TMPRSS15: variants seen among roughly 807,000 people sequenced by gnomAD.
TMPRSS15 encodes enteropeptidase.
Under a neutral mutation model 125.3 loss-of-function variants are expected in TMPRSS15, and 128 were observed. That is an observed-to-expected ratio of 1.02 (90% CI 0.89 to 1.18). The LOEUF (loss-of-function observed/expected upper bound fraction) is 1.18. TMPRSS15 is among the 50% of genes most tolerant of loss of function. The pLI, the probability that TMPRSS15 is intolerant of heterozygous loss-of-function variation, is 0.00. For synonymous variants in TMPRSS15, 446 were observed against 423.2 expected (o/e 1.05, Z -0.66); for missense variants, 1,283 against 1,212.7 (o/e 1.06, Z -0.86).
intron 3 of TMPRSS15, among the ~76,000 whole-genome samples, 165 bp from the exon 4 acceptor site, chr21:18,383,943 G>A (rs2075918415): frequency 6.6e-6 from 1 of 152,010 alleles, no homozygotes; most frequent in Non-Finnish European, 1.5e-5. Flanking sequence ...ATTTCATGAG[G>A]GAAAGAAAAA....
intron 10 of TMPRSS15, among the ~76,000 whole-genome samples, chr21:18,345,813 A>G (rs913864957): frequency 6.6e-6 from 1 of 150,660 alleles, no homozygotes; most frequent in Admixed American, 6.6e-5. Flanking sequence ...ATTCAGAAAA[A>G]TTTCTAATTA....
chr21:18,437,448 T>C (rs951483710), intron 1 of TMPRSS15, among the ~76,000 whole-genome samples: 2 of 152,154 alleles, frequency 1.3e-5, no homozygotes, highest in East Asian at 1.9e-4. Context: ...CAAAAAGCAA[T>C]GGTAACAAAA....
At chr21:18,414,198 A>G (rs2076174664) in intron 1 of TMPRSS15, among the ~76,000 whole-genome samples, 1 of 152,070 alleles carries the variant, frequency 6.6e-6, no homozygotes, top group Non-Finnish European at 1.5e-5. Context: ...AGTTTTTTTT[A>G]AGATACACAC....
intron 1 of TMPRSS15, among the ~76,000 whole-genome samples, chr21:18,421,740 A>G (rs997265588): frequency 1.3e-5 from 2 of 152,200 alleles, no homozygotes; most frequent in African/African-American, 4.8e-5. Context: ...TTTATGTAAG[A>G]CATGAATAAG....
chr21:18,275,596 T>C (rs923343443), intron 23 of TMPRSS15, among the ~76,000 whole-genome samples: 1 of 152,218 alleles, frequency 6.6e-6, no homozygotes, highest in African/African-American at 2.4e-5. Context: ...TAGATGGTCT[T>C]TGGGCATCTT....
At chr21:18,322,929 C>T (rs79673747) in intron 16 of TMPRSS15, among the ~76,000 whole-genome samples, 2,577 of 152,156 alleles carry the variant, frequency 0.017, 77 homozygotes, top group African/African-American at 0.058. Context: ...AAGAATATTT[C>T]GGTTTCCCAG....
chr21:18,360,211 T>C (rs1385795718), intron 7 of TMPRSS15, among the ~76,000 whole-genome samples: 1 of 152,172 alleles, frequency 6.6e-6, no homozygotes, highest in African/African-American at 2.4e-5. Context: ...TCTCTGTGAC[T>C]GGCTTATTTC....
intron 9 of TMPRSS15, 32 bp from the exon 10 acceptor site, chr21:18,353,084 A>T (rs1293215489): frequency 1.3e-6 from 2 of 1,591,576 alleles, no homozygotes; most frequent in Non-Finnish European, 1.7e-6. Flanking sequence ...GAATAAAAAA[A>T]ATTTAGTCCA....
Position 18,285,805 on chromosome 21 carries a change from T to C in TMPRSS15, c.2487-4584A>G, listed in dbSNP as rs567352757. ...AGTTGTTTATGAAAGGCCATGTGTC[T>C]GCAATGAAACTCAAAAGAGAAAAGT... is the stretch of plus-strand genomic sequence containing the variant. On this transcript the variant is annotated intron_variant, in intron 21 of 24. Transcript: ENST00000284885. 9.8e-5 allele frequency among the ~76,000 whole-genome samples: 15 copies of C among 152,326 alleles called. No homozygotes were observed. In the East Asian group the frequency reaches 1.5e-3, roughly 16 times the overall value.
chr21:18,381,616 A>T (rs1455903268), intron 4 of TMPRSS15, among the ~76,000 whole-genome samples: 6 of 152,296 alleles, frequency 3.9e-5, no homozygotes, highest in South Asian at 4.1e-4. Context: ...CATTTGTGAT[A>T]CTAATTCTAA....
chr21:18,424,162 T>C (rs2076197974), intron 1 of TMPRSS15, among the ~76,000 whole-genome samples: 1 of 152,262 alleles, frequency 6.6e-6, no homozygotes, highest in African/African-American at 2.4e-5. Flanking sequence ...CATAGTGTTA[T>C]CTGAGGTCCT....
At chr21:18,350,773 T>A (rs1439186337) in intron 10 of TMPRSS15, among the ~76,000 whole-genome samples, 1 of 151,456 alleles carries the variant, frequency 6.6e-6, no homozygotes, top group Non-Finnish European at 1.5e-5. Flanking sequence ...TATATATAAT[T>A]TCCTATTCTC....
At chr21:18,297,231 A>G (rs2074917667) in intron 19 of TMPRSS15, among the ~76,000 whole-genome samples, 1 of 152,240 alleles carries the variant, frequency 6.6e-6, no homozygotes, top group Non-Finnish European at 1.5e-5. Flanking sequence ...AAAGTAAAAG[A>G]GAATATGTAG....
intron 1 of TMPRSS15, among the ~76,000 whole-genome samples, chr21:18,445,113 C>A (rs1299121373): frequency 1.3e-5 from 2 of 151,900 alleles, no homozygotes; most frequent in South Asian, 2.1e-4. Context: ...TCAGAAATGA[C>A]CAAATTTCAT....
intron 18 of TMPRSS15, among the ~76,000 whole-genome samples, chr21:18,306,449 A>G (rs988894736): frequency 3.3e-5 from 5 of 152,324 alleles, no homozygotes; most frequent in African/African-American, 4.8e-5. Flanking sequence ...CACCGCTGCA[A>G]TGGAAGAACC....
intron 1 of TMPRSS15, among the ~76,000 whole-genome samples, chr21:18,438,966 G>A (rs972693737): frequency 4.0e-5 from 6 of 151,880 alleles, no homozygotes; most frequent in African/African-American, 7.3e-5. Flanking sequence ...GATTTTCTTC[G>A]AAATCTTTTA....
intron 4 of TMPRSS15, among the ~76,000 whole-genome samples, chr21:18,380,104 G>C (rs928357300): frequency 2.0e-5 from 3 of 151,054 alleles, no homozygotes; most frequent in Admixed American, 6.6e-5. Flanking sequence ...CACCCTTAGT[G>C]ACCTCCCAAG....
chr21:18,439,505 A>T (rs980050689), intron 1 of TMPRSS15, among the ~76,000 whole-genome samples: 17 of 152,224 alleles, frequency 1.1e-4, no homozygotes, highest in African/African-American at 4.1e-4. Flanking sequence ...TTTAAGTATT[A>T]TGGTCATCAG....
At chr21:18,483,970 ATT>A (rs958977687) in intron 1 of TMPRSS15, among the ~76,000 whole-genome samples, 3 of 151,832 alleles carry the variant, frequency 2.0e-5, no homozygotes, top group Non-Finnish European at 2.9e-5. Context: ...CTTATTTTTT[ATT>A]TTATATGACT....
Sources: gnomAD v4.1 joint callset for allele counts (sites outside exome capture counted in the v4.1 genomes callset) on GRCh38, gnomAD v4.1.1 for gene constraint, MANE v1.5 for transcripts, NCBI Gene and HGNC (gene_info 2026-07-23, HGNC 2026-07-21) for gene names.